Variants in WBP2NL observed in about 807,000 individuals in gnomAD.
WBP2NL encodes the protein postacrosomal sheath WW domain-binding protein.
In WBP2NL, 27 loss-of-function variants were observed where a neutral mutation model predicts 23.3. The ratio of observed to expected loss-of-function variants is 1.16; its 90% CI spans 0.85 to 1.60. WBP2NL has a LOEUF of 1.60. WBP2NL is among the 40% of genes most tolerant of loss of function. The pLI, the probability that WBP2NL is intolerant of heterozygous loss-of-function variation, is 0.00. For synonymous variants in WBP2NL, 151 were observed against 145.9 expected (o/e 1.03, Z -0.25); for missense variants, 370 against 389.5 (o/e 0.95, Z 0.42).
intron 1 of WBP2NL, chr22:42,001,488 G>C: frequency 1.1e-6 from 1 of 951,762 alleles, no homozygotes; most frequent in Non-Finnish European, 1.7e-6. Context: ...ATCTTAACTA[G>C]GCAGTCACCG....
intron 1 of WBP2NL, among the ~76,000 whole-genome samples, chr22:42,007,255 C>T (rs952760706): frequency 2.0e-5 from 3 of 151,714 alleles, no homozygotes; most frequent in African/African-American, 7.2e-5. Flanking sequence ...TTGGTCATTA[C>T]TATAAACATT....
chr22:41,999,115 G>A (rs1921263597), intron 1 of WBP2NL, among the ~76,000 whole-genome samples: 1 of 143,394 alleles, frequency 7.0e-6, no homozygotes, highest in Admixed American at 7.0e-5. Flanking sequence ...GTGGGAATGC[G>A]CCTTTTCAAG....
intron 8 of WBP2NL, among the ~76,000 whole-genome samples, chr22:42,051,725 AC>A (rs1925844491): frequency 6.6e-6 from 1 of 152,180 alleles, no homozygotes; most frequent in African/African-American, 2.4e-5. Context: ...CTGATTTCCC[AC>A]AGCTTTTTAA....
At chr22:42,050,423 A>C (rs544601981) in intron 8 of WBP2NL, among the ~76,000 whole-genome samples, 10 of 152,136 alleles carry the variant, frequency 6.6e-5, no homozygotes, top group Non-Finnish European at 1.5e-4. Flanking sequence ...AGGCAGGCGG[A>C]TCACCTGAGG....
intron 4 of WBP2NL, among the ~76,000 whole-genome samples, chr22:42,021,316 G>C (rs1923953239): frequency 6.6e-6 from 1 of 152,124 alleles, no homozygotes; most frequent in Admixed American, 6.5e-5. Context: ...TTATGGGCCA[G>C]GCCTGGAAAC....
chr22:42,000,971 C>A, intron 1 of WBP2NL: 1 of 444,262 alleles, frequency 2.3e-6, no homozygotes, highest in Non-Finnish European at 4.1e-6. Flanking sequence ...CCACCCTGGG[C>A]AATAGAGGGA....
intron 8 of WBP2NL, among the ~76,000 whole-genome samples, chr22:42,038,494 G>T (rs971023856): frequency 6.6e-6 from 1 of 152,188 alleles, no homozygotes; most frequent in African/African-American, 2.4e-5. Context: ...ATGAGTTTGG[G>T]AGTGCATTCT....
chr22:42,002,780 A>G (rs1478862845), intron 1 of WBP2NL: 1 of 151,560 alleles, frequency 6.6e-6, no homozygotes, highest in Admixed American at 6.6e-5. Flanking sequence ...AAAGAAAAGG[A>G]CTCTTTCTCT....
At chr22:42,008,257 G>T (rs1922485021) in intron 1 of WBP2NL, among the ~76,000 whole-genome samples, 1 of 136,288 alleles carries the variant, frequency 7.3e-6, no homozygotes, top group South Asian at 2.3e-4. Flanking sequence ...CACTCAGGCT[G>T]TAGTGTAGCA....
chr22:42,054,883 G>C (rs1342410201), intron 8 of WBP2NL, among the ~76,000 whole-genome samples: 2 of 151,932 alleles, frequency 1.3e-5, no homozygotes, highest in Admixed American at 6.6e-5. Context: ...GTGAGACCTG[G>C]TGTCTAAAAA....
chr22:42,053,088 A>G (rs1212559842), intron 8 of WBP2NL, among the ~76,000 whole-genome samples: 3 of 152,222 alleles, frequency 2.0e-5, no homozygotes, highest in Non-Finnish European at 1.5e-5. Flanking sequence ...ATGGAATAAT[A>G]CAATGCATGT....
chr22:42,044,502 G>A (rs1925510164), intron 8 of WBP2NL, among the ~76,000 whole-genome samples: 1 of 152,200 alleles, frequency 6.6e-6, no homozygotes, highest in Non-Finnish European at 1.5e-5. Flanking sequence ...TTGAAAAGAT[G>A]AATAAAAATT....
chr22:42,026,141 G>A (rs150930281), intron 5 of WBP2NL, among the ~76,000 whole-genome samples: 3,549 of 151,740 alleles, frequency 0.023, 136 homozygotes, highest in African/African-American at 0.082. Context: ...GCATGGTGGC[G>A]GGTGCTTGTA....
intron 1 of WBP2NL, among the ~76,000 whole-genome samples, chr22:42,011,462 A>G (rs879599552): frequency 2.6e-5 from 4 of 152,174 alleles, no homozygotes; most frequent in Non-Finnish European, 5.9e-5. Context: ...CAAGTTGCCT[A>G]GGCTGGTCGG....
chr22:42,025,727 A>G (rs1350451880), intron 5 of WBP2NL, among the ~76,000 whole-genome samples: 1 of 152,196 alleles, frequency 6.6e-6, no homozygotes, highest in African/African-American at 2.4e-5. Context: ...TAGTTTTGTA[A>G]TAAATTTTGG....
chr22:42,015,576 T>A (rs1923232527), intron 1 of WBP2NL, among the ~76,000 whole-genome samples: 1 of 152,098 alleles, frequency 6.6e-6, no homozygotes, highest in Non-Finnish European at 1.5e-5. Flanking sequence ...CTAATTTTTG[T>A]ATTTTTAATA....
chr22:42,032,671 C>T, downstream of WBP2NL: 1 of 450,312 alleles, frequency 2.2e-6, no homozygotes, highest in Non-Finnish European at 4.5e-6. Context: ...GTATGATATT[C>T]TTCCTGGCCT....
intron 8 of WBP2NL, among the ~76,000 whole-genome samples, chr22:42,039,913 T>G (rs1254847546): frequency 6.6e-6 from 1 of 150,850 alleles, no homozygotes; most frequent in African/African-American, 2.5e-5. Flanking sequence ...GTTAGGTTTT[T>G]TTTTTTTTTT....
intron 8 of WBP2NL, among the ~76,000 whole-genome samples, chr22:42,049,775 A>C (rs9623504): frequency 1.1e-3 from 164 of 151,424 alleles, no homozygotes; most frequent in African/African-American, 3.7e-3. Context: ...AAACAACATC[A>C]AAAGCATGAA....
Sources: gnomAD v4.1 joint callset for allele counts (sites outside exome capture counted in the v4.1 genomes callset) on GRCh38, gnomAD v4.1.1 for gene constraint, MANE v1.5 for transcripts, NCBI Gene and HGNC (gene_info 2026-07-23, HGNC 2026-07-21) for gene names.